Variants in SPAG9 observed in about 807,000 individuals in gnomAD.
The protein encoded by SPAG9 is C-Jun-amino-terminal kinase-interacting protein 4.
In SPAG9, 35 loss-of-function variants were observed where a neutral mutation model predicts 166.5. The ratio of observed to expected loss-of-function variants is 0.21; its 90% CI spans 0.16 to 0.28. The LOEUF is 0.28. Ranked by LOEUF, SPAG9 falls within the 10% of genes least tolerant of loss-of-function variation. SPAG9 has a pLI of 1.00. For synonymous variants in SPAG9, 534 were observed against 565.5 expected (o/e 0.94, Z 0.79); for missense variants, 1,235 against 1,603.3 (o/e 0.77, Z 3.92).
intron 3 of SPAG9, among the ~76,000 whole-genome samples, chr17:51,048,564 A>G (rs374290302): frequency 2.0e-5 from 3 of 152,068 alleles, no homozygotes; most frequent in East Asian, 1.9e-4. Flanking sequence ...ATGCATTTCA[A>G]TCTCTTTATA....
chr17:51,041,383 C>G, intron 5 of SPAG9, 118 bp downstream of exon 5: 2 of 911,802 alleles, frequency 2.2e-6, no homozygotes, highest in South Asian at 2.7e-5. Context: ...ACCAATTTTA[C>G]AAACTAAATG....
intron 5 of SPAG9, among the ~76,000 whole-genome samples, chr17:51,035,515 T>C (rs922802040): frequency 9.2e-5 from 14 of 152,182 alleles, no homozygotes. Context: ...ACTAAAGAAA[T>C]AGGAACAATT....
At chr17:50,969,098 A>C (rs1005815588) in intron 29 of SPAG9, among the ~76,000 whole-genome samples, 2 of 151,778 alleles carry the variant, frequency 1.3e-5, no homozygotes, top group Non-Finnish European at 2.9e-5. Flanking sequence ...ACGCTCAGCT[A>C]ATTTTTGTAT....
intron 1 of SPAG9, among the ~76,000 whole-genome samples, chr17:51,116,174 T>TA (rs2049283046): frequency 6.6e-6 from 1 of 152,116 alleles, no homozygotes; most frequent in African/African-American, 2.4e-5. Flanking sequence ...GCCTCCCCAG[T>TA]AGCTGGGATT....
At chr17:51,107,539 C>G (rs1449543595) in intron 1 of SPAG9, among the ~76,000 whole-genome samples, 2 of 151,958 alleles carry the variant, frequency 1.3e-5, no homozygotes, top group Non-Finnish European at 2.9e-5. Flanking sequence ...GAGTTTGAGA[C>G]CAGCCTGGCC....
At chr17:50,972,212 A>T (rs967302826) in intron 28 of SPAG9, among the ~76,000 whole-genome samples, 1 of 152,176 alleles carries the variant, frequency 6.6e-6, no homozygotes, top group African/African-American at 2.4e-5. Context: ...TCAAACTATT[A>T]TAGTCTAAAT....
At chr17:51,009,032 G>C in intron 9 of SPAG9, 1 of 373,006 alleles carries the variant, frequency 2.7e-6, no homozygotes, top group Non-Finnish European at 5.2e-6. Flanking sequence ...AAAAATAGTT[G>C]AGCAGAAAAA....
intron 1 of SPAG9, among the ~76,000 whole-genome samples, chr17:51,102,741 T>A (rs2048842287): frequency 6.6e-6 from 1 of 152,020 alleles, no homozygotes; most frequent in Admixed American, 6.6e-5. Context: ...TGACCTCAAA[T>A]AATCTGCCCA....
At chr17:51,079,522 A>G in intron 2 of SPAG9, 62 bp downstream of exon 2, 1 of 1,542,932 alleles carries the variant, frequency 6.5e-7, no homozygotes. Context: ...TACAGGCGTG[A>G]GCCACCACGT....
At chr17:51,087,374 G>A (rs185561273) in intron 1 of SPAG9, among the ~76,000 whole-genome samples, 18 of 152,212 alleles carry the variant, frequency 1.2e-4, no homozygotes, top group Middle Eastern at 6.8e-3. Flanking sequence ...AAACAGAGAC[G>A]GTGTCATGAA....
chr17:50,994,346 T>TA (rs1659158255), intron 18 of SPAG9, among the ~76,000 whole-genome samples: 1 of 152,196 alleles, frequency 6.6e-6, no homozygotes, highest in Non-Finnish European at 1.5e-5. Context: ...AGAGGTTACC[T>TA]ATGTAAGCCC....
intron 13 of SPAG9, among the ~76,000 whole-genome samples, chr17:51,000,490 T>G (rs574005547): frequency 1.3e-5 from 2 of 152,066 alleles, no homozygotes; most frequent in African/African-American, 4.8e-5. Context: ...TCCCAGCACT[T>G]TGGGAGGCCG....
At chr17:51,117,279 C>G (rs978656215) in intron 1 of SPAG9, among the ~76,000 whole-genome samples, 1 of 152,096 alleles carries the variant, frequency 6.6e-6, no homozygotes, top group Non-Finnish European at 1.5e-5. Context: ...ATCTACATAC[C>G]CACCTAAGTT....
chr17:51,030,477 A>G (rs533691684), intron 6 of SPAG9, among the ~76,000 whole-genome samples: 51 of 152,294 alleles, frequency 3.3e-4, no homozygotes, highest in Middle Eastern at 3.4e-3. Context: ...TTTTATACCT[A>G]CATTTCTTTC....
chr17:51,066,417 AT>A (rs1223850444), intron 2 of SPAG9, among the ~76,000 whole-genome samples: 2 of 151,714 alleles, frequency 1.3e-5, no homozygotes, highest in Non-Finnish European at 2.9e-5. Flanking sequence ...AGTCCCCATT[AT>A]GTTTTAAAAA....
At chr17:51,039,934 TAAAG>T (rs767792521) in intron 5 of SPAG9, among the ~76,000 whole-genome samples, 9 of 151,980 alleles carry the variant, frequency 5.9e-5, no homozygotes, top group Admixed American at 1.3e-4. Flanking sequence ...GGTACAGAAG[TAAAG>T]AAAGAGAGAG....
At chr17:51,077,097 T>TAGCTATCTAGCTATCTAG (rs1568065850) in intron 2 of SPAG9, among the ~76,000 whole-genome samples, 1 of 115,668 alleles carries the variant, frequency 8.6e-6, no homozygotes, top group Non-Finnish European at 1.9e-5. Context: ...TAGCTATCTA[T>TAGCTATCTAGCTATCTAG]CTAGCTAGCT....
At chr17:51,047,093 T>C (rs1207173035) in intron 4 of SPAG9, 2 of 298,776 alleles carry the variant, frequency 6.7e-6, no homozygotes, top group Non-Finnish European at 9.9e-6. Flanking sequence ...AGCATTCCCA[T>C]AAATTACAAA....
intron 6 of SPAG9, 123 bp downstream of exon 6, chr17:51,031,558 G>T: frequency 1.3e-6 from 1 of 746,350 alleles, no homozygotes; most frequent in Non-Finnish European, 2.3e-6. Flanking sequence ...ATATTTCAGT[G>T]AATTACAACA....
Sources: allele counts gnomAD v4.1 joint callset (sites outside exome capture counted in the v4.1 genomes callset), GRCh38; gene constraint gnomAD v4.1.1; transcripts MANE v1.5; gene names NCBI Gene and HGNC (gene_info 2026-07-23, HGNC 2026-07-21).